The following LVRN variants were observed in gnomAD, a reference collection of about 807,000 sequenced individuals.
LVRN encodes the protein aminopeptidase Q.
LVRN carries 99 observed loss-of-function variants against 111.4 expected under a neutral mutation model. The ratio of observed to expected loss-of-function variants is 0.89; its 90% CI spans 0.76 to 1.05. The LOEUF (loss-of-function observed/expected upper bound fraction) is 1.05. Among genes scored for constraint, LVRN ranks in the 50% least tolerant of loss-of-function variants. LVRN has a pLI of 0.00. For missense variants in LVRN, 1,414 were observed against 1,206.8 expected, an observed-to-expected ratio of 1.17 and a Z score of -2.54; for synonymous variants, 488 against 449.5, an observed-to-expected ratio of 1.09 and a Z score of -1.08.
In LVRN at chr5:115,980,694, C is replaced by T. The variant is rs140426363; in HGVS notation, c.696-2593C>T. ...TTTGTGAGGTCATGGCAGCTGAGAACGTATGATCAAGCTTTACTTCCTATA... is the reference window on the plus strand; with the variant it reads ...TTTGTGAGGTCATGGCAGCTGAGAATGTATGATCAAGCTTTACTTCCTATA... On this transcript the variant is annotated intron_variant, in intron 1 of 19. Transcript: ENST00000357872. Among the ~76,000 whole-genome samples the T allele has an allele frequency of 3.8e-3, 584 of 152,200 alleles. 4 individuals are homozygous for T. The highest frequency in any genetic ancestry group is 6.8e-3 in the Non-Finnish European group (460 of 68,008).
intron 4 of LVRN, 143 bp downstream of exon 4, chr5:115,988,082 C>G (rs1747909662): frequency 2.7e-6 from 3 of 1,114,748 alleles, no homozygotes; most frequent in South Asian, 1.6e-5. Context: ...TGACCTATGC[C>G]TTATACCTTC....
At chr5:115,964,548 G>A (rs1753162330) in intron 1 of LVRN, among the ~76,000 whole-genome samples, 1 of 152,010 alleles carries the variant, frequency 6.6e-6, no homozygotes, top group Non-Finnish European at 1.5e-5. Context: ...GTAGGTCAGG[G>A]TGCAAAATAT....
chr5:116,000,657 T>C lies in LVRN; in HGVS notation c.1646T>C (p.Met549Thr). 5 of 1,613,626 alleles carry C rather than the reference T, an allele frequency of 3.1e-6. No homozygotes were observed. The highest frequency in any genetic ancestry group is 2.2e-5 in the East Asian group (1 of 44,874). Residue 549 changes from methionine to threonine, a missense_variant and splice_region_variant, in exon 9 of 20, where the codon ATG becomes ACG. Met to Thr is a moderately conservative substitution (Grantham distance 81). Transcript: ENST00000357872. ...EQDDLWRHFQMAIDDQSTVIL... is the reference protein window; with the variant it reads ...EQDDLWRHFQTAIDDQSTVIL... ...GATGATCTATGGAGGCATTTTCAAA[T>C]GGTAATTGTCCTACTTTCTGACACA...
intron 13 of LVRN, chr5:116,010,484 C>G (rs559802036): frequency 5.7e-6 from 3 of 527,550 alleles, no homozygotes; most frequent in Non-Finnish European, 1.1e-5. Flanking sequence ...TCCTAATAAT[C>G]AGTCCAACAT....
chr5:116,000,007 A>C, intron 7 of LVRN, 105 bp downstream of exon 7: 1 of 1,272,286 alleles, frequency 7.9e-7, no homozygotes, highest in East Asian at 2.4e-5. Flanking sequence ...ACATTTTATG[A>C]AAATAACCTT....
At position 116,010,824 on chromosome 5, in the gene LVRN, TCTTGGTAAA is replaced by T. The variant is rs1037895914; in HGVS notation, c.2186_2194del (p.Asn729_Val731del). The T allele has an allele frequency of 1.9e-6, 3 of 1,612,268 alleles. No individual in the cohort carries two copies. The African/African-American group carries it at 4.0e-5, about 22-fold the overall frequency. ...GATGAAATTATAGTATGGCATACAG[TCTTGGTAAA>T]CTTGGTAACCAGGGATCTTGTTTCT... is the stretch of plus-strand genomic sequence containing the variant. On this transcript the variant is annotated inframe_deletion, in exon 14 of 20. Coordinates refer to ENST00000357872, the MANE Select transcript of LVRN (RefSeq NM_173800.5).
Position 115,967,075 on chromosome 5 carries a change from C to A in LVRN, c.695+3763C>A, listed in dbSNP as rs146611071. On this transcript the variant is annotated intron_variant, in intron 1 of 19. Transcript: ENST00000357872. ...GATATATATGGTTTGCAAATATGTT[C>A]TCCCAGCCTATAGCTTGTCTTTTCA... Among the ~76,000 whole-genome samples, 1,471 of 152,178 alleles carry A rather than the reference C, an allele frequency of 9.7e-3. 21 individuals are homozygous for A. The highest frequency in any genetic ancestry group is 0.034 in the African/African-American group (1,400 of 41,492).
chr5:115,973,273 T>C (rs7722874), intron 1 of LVRN, among the ~76,000 whole-genome samples: 34,562 of 152,178 alleles, frequency 0.23, 4,764 homozygotes, highest in Non-Finnish European at 0.31. Context: ...CTTGATGCAT[T>C]AGCCTTTTAA....
In LVRN at chr5:116,010,800, A is replaced by G. The variant is rs771691416; in HGVS notation, c.2153A>G (p.Asp718Gly). The G allele has an allele frequency of 8.1e-6, 13 of 1,611,214 alleles. No individual in the cohort carries two copies. Among genetic ancestry groups the G allele is most frequent in the African/African-American group, 4.0e-5 (3 of 74,754 alleles). Residue 718 changes from aspartate to glycine, a missense_variant, in exon 14 of 20, where the codon GAT becomes GGT. Physicochemically the swap from Asp to Gly is moderately conservative, Grantham distance 94. Coordinates refer to ENST00000357872, the MANE Select transcript of LVRN (RefSeq NM_173800.5). ...LELTKYLAEE[D>G]EIIVWHTVLV... ...TTAACCAAGTACCTTGCTGAAGAAG[A>G]TGAAATTATAGTATGGCATACAGTC...
chr5:116,011,682 G>A (rs57532738), intron 14 of LVRN, among the ~76,000 whole-genome samples: 12 of 152,178 alleles, frequency 7.9e-5, no homozygotes, highest in African/African-American at 2.7e-4. Context: ...ATTAAGCTGA[G>A]CTTGGGATGG....
Position 115,992,105 on chromosome 5 carries a change from C to G in LVRN, c.1106-18C>G. 6.4e-7 allele frequency: 1 copy of G among 1,568,842 alleles called. No individual in the cohort carries two copies. Among genetic ancestry groups the G allele is most frequent in the Non-Finnish European group, 8.6e-7 (1 of 1,161,330 alleles). The stretch of plus-strand genomic sequence containing the variant: ...GGAAAAGATTATTTTATTTTCTCCT[C>G]CATTTAAATCCACTTAGATATAATT... On this transcript the variant is annotated intron_variant, in intron 4 of 19. Transcript: ENST00000357872.
At chr5:115,974,947 A>G (rs904590987) in intron 1 of LVRN, 7 of 450,552 alleles carry the variant, frequency 1.6e-5, no homozygotes, top group African/African-American at 1.4e-4. Context: ...TTGATAAATG[A>G]TCTGCAACTG....
At chr5:116,003,873 G>C (rs1748298715) in intron 12 of LVRN, among the ~76,000 whole-genome samples, 1 of 152,076 alleles carries the variant, frequency 6.6e-6, no homozygotes, top group African/African-American at 2.4e-5. Flanking sequence ...GAGCCACCGC[G>C]CCGGCCAAAT....
chr5:115,974,712 C>A (rs1488048343), intron 1 of LVRN: 1 of 178,734 alleles, frequency 5.6e-6, no homozygotes, highest in African/African-American at 2.4e-5. Flanking sequence ...TCCAGCTCTT[C>A]CTGTGCACCC....
intron 12 of LVRN, among the ~76,000 whole-genome samples, chr5:116,004,106 TA>T (rs1561565085): frequency 6.6e-6 from 1 of 152,202 alleles, no homozygotes; most frequent in Non-Finnish European, 1.5e-5. Context: ...TCTAAACTCA[TA>T]ATAGGTAATC....
At chr5:115,984,816 C>G (rs907832392) in intron 3 of LVRN, 107 bp downstream of exon 3, 4 of 1,434,402 alleles carry the variant, frequency 2.8e-6, no homozygotes, top group Non-Finnish European at 3.8e-6. Context: ...AAATCGCTTC[C>G]TAGTTCTCTC....
chr5:116,017,985 G>T (rs182708653), intron 18 of LVRN, among the ~76,000 whole-genome samples: 1 of 152,100 alleles, frequency 6.6e-6, no homozygotes, highest in Non-Finnish European at 1.5e-5. Flanking sequence ...TTTAGTCTAG[G>T]CATGGTGGCT....
At chr5:116,007,868 C>T (rs1407645684) in intron 13 of LVRN, among the ~76,000 whole-genome samples, 2 of 152,150 alleles carry the variant, frequency 1.3e-5, no homozygotes, top group Non-Finnish European at 2.9e-5. Flanking sequence ...ATATCTGTTA[C>T]AGTAATCTGT....
chr5:115,964,080 G>C (rs973030437), intron 1 of LVRN, among the ~76,000 whole-genome samples: 9 of 152,180 alleles, frequency 5.9e-5, no homozygotes, highest in African/African-American at 2.2e-4. Flanking sequence ...TCCTGCCCCT[G>C]CACAAGAATT....
Sources: gnomAD v4.1 joint callset for allele counts (sites outside exome capture counted in the v4.1 genomes callset) on GRCh38, gnomAD v4.1.1 for gene constraint, MANE v1.5 for transcripts, NCBI Gene and HGNC (gene_info 2026-07-23, HGNC 2026-07-21) for gene names.